MBNL2: variants seen among roughly 807,000 people sequenced by gnomAD.
The protein encoded by MBNL2 is muscleblind-like protein 2.
In MBNL2, 17 loss-of-function variants were observed where a neutral mutation model predicts 41.9. The observed-to-expected ratio is 0.41, with a 90% CI of 0.28 to 0.61. The LOEUF is 0.61. Among genes scored for constraint, MBNL2 ranks in the 20% least tolerant of loss-of-function variants. The pLI is 0.35. For synonymous variants in MBNL2, 195 were observed against 182.9 expected, an observed-to-expected ratio of 1.07 and a Z score of -0.53; for missense variants, 336 against 505.6, an observed-to-expected ratio of 0.66 and a Z score of 3.22.
intron 2 of MBNL2, among the ~76,000 whole-genome samples, chr13:97,327,577 A>AAAAAAC (rs900830524): frequency 6.6e-6 from 1 of 151,370 alleles, no homozygotes; most frequent in African/African-American, 2.4e-5. Flanking sequence ...AAAAAAAAAA[A>AAAAAAC]AAAAAAGTTC....
intron 1 of MBNL2, among the ~76,000 whole-genome samples, chr13:97,273,787 G>A (rs1389027605): frequency 1.3e-5 from 2 of 152,106 alleles, no homozygotes; most frequent in East Asian, 1.9e-4. Flanking sequence ...CAGGCCGGAC[G>A]CGGTGGCTCA....
chr13:97,149,837 G>T, the MBNL2 span, among the ~76,000 whole-genome samples: 1 of 152,114 alleles, frequency 6.6e-6, no homozygotes, highest in African/African-American at 2.4e-5. Context: ...ATATTTGAAA[G>T]TTATTTCCTA....
chr13:97,309,136 C>G (rs750063007), intron 2 of MBNL2, among the ~76,000 whole-genome samples: 29 of 152,140 alleles, frequency 1.9e-4, no homozygotes, highest in Admixed American at 7.2e-4. Flanking sequence ...AGATAAATAA[C>G]AACAACACAT....
chr13:97,266,718 TA>T (rs2049892782), intron 1 of MBNL2, among the ~76,000 whole-genome samples: 1 of 152,038 alleles, frequency 6.6e-6, no homozygotes, highest in African/African-American at 2.4e-5. Flanking sequence ...CATTATTTTT[TA>T]AAAATATATA....
chr13:97,162,803 G>T, the MBNL2 span, among the ~76,000 whole-genome samples: 4 of 152,188 alleles, frequency 2.6e-5, no homozygotes, highest in Non-Finnish European at 5.9e-5. Flanking sequence ...TATCTTTTGA[G>T]ATCTATCATA....
chr13:97,283,924 A>G (rs1281868947), intron 2 of MBNL2, among the ~76,000 whole-genome samples: 1 of 152,196 alleles, frequency 6.6e-6, no homozygotes, highest in East Asian at 1.9e-4. Context: ...TCAGGGCATC[A>G]GGCACCTCCA....
At chr13:97,188,851 C>T in the MBNL2 span, among the ~76,000 whole-genome samples, 4 of 152,096 alleles carry the variant, frequency 2.6e-5, no homozygotes, top group Non-Finnish European at 5.9e-5. Flanking sequence ...GCCCTCATTC[C>T]TTCCTTTATT....
At chr13:97,369,007 A>C (rs1566445775) in intron 8 of MBNL2, among the ~76,000 whole-genome samples, 2 of 152,196 alleles carry the variant, frequency 1.3e-5, no homozygotes, top group Admixed American at 6.5e-5. Flanking sequence ...AATGATGAAG[A>C]AGAGAAATCC....
chr13:97,215,166 T>A, the MBNL2 span, among the ~76,000 whole-genome samples: 40 of 152,142 alleles, frequency 2.6e-4, no homozygotes, highest in Non-Finnish European at 4.4e-4. Flanking sequence ...CTCTGCGACT[T>A]CAAATGCCCT....
intron 2 of MBNL2, among the ~76,000 whole-genome samples, chr13:97,307,135 T>A (rs969991093): frequency 5.3e-5 from 8 of 152,168 alleles, no homozygotes; most frequent in Non-Finnish European, 1.2e-4. Context: ...TCTCCCAGCA[T>A]CCAACATAAA....
At chr13:97,231,376 C>G (rs1339337196) in intron 1 of MBNL2, among the ~76,000 whole-genome samples, 1 of 152,168 alleles carries the variant, frequency 6.6e-6, no homozygotes. Context: ...GGTGATAAAG[C>G]TGATGTTCAT....
At chr13:97,178,327 G>A in the MBNL2 span, among the ~76,000 whole-genome samples, 1 of 152,184 alleles carries the variant, frequency 6.6e-6, no homozygotes, top group Non-Finnish European at 1.5e-5. Flanking sequence ...GAGACAGTAT[G>A]TGGAATAATT....
the MBNL2 span, among the ~76,000 whole-genome samples, chr13:97,175,825 G>A: frequency 6.6e-6 from 1 of 152,022 alleles, no homozygotes; most frequent in Non-Finnish European, 1.5e-5. Context: ...GGGCACTCAG[G>A]ACCTGATAGA....
At chr13:97,173,917 C>A in the MBNL2 span, among the ~76,000 whole-genome samples, 1 of 152,138 alleles carries the variant, frequency 6.6e-6, no homozygotes, top group African/African-American at 2.4e-5. Flanking sequence ...TTCTGCATTT[C>A]CATGGAACTC....
chr13:97,277,292 C>T (rs7325720), intron 2 of MBNL2, among the ~76,000 whole-genome samples: 21 of 152,026 alleles, frequency 1.4e-4, no homozygotes, highest in Non-Finnish European at 2.9e-4. Context: ...TTGTCTAGGG[C>T]GTTCCTACAG....
chr13:97,215,789 T>C, the MBNL2 span, among the ~76,000 whole-genome samples: 2 of 152,216 alleles, frequency 1.3e-5, no homozygotes, highest in Non-Finnish European at 2.9e-5. Context: ...AATTATGGAA[T>C]ACCAAGAGTG....
intron 1 of MBNL2, among the ~76,000 whole-genome samples, chr13:97,253,218 A>G (rs2046898945): frequency 6.6e-6 from 1 of 152,234 alleles, no homozygotes; most frequent in Admixed American, 6.5e-5. Context: ...AAAGATAACC[A>G]ACTTGGTTTG....
intron 8 of MBNL2, among the ~76,000 whole-genome samples, chr13:97,376,360 T>G (rs2064966759): frequency 6.6e-6 from 1 of 152,128 alleles, no homozygotes; most frequent in Non-Finnish European, 1.5e-5. Flanking sequence ...AAAAGGATGG[T>G]TCTCATCTAT....
rs72001733 is a variant in MBNL2, at chr13:97,382,672, ATTTTTTTT to A, written c.1049-8638_1049-8631del. Among the ~76,000 whole-genome samples the A allele has an allele frequency of 4.8e-4, 60 of 125,622 alleles. 1 individual carries two copies. In the South Asian group the frequency reaches 0.013, roughly 28 times the overall value. The allele number at this position is 125,622 out of a possible 152,430, so 82.4% of individuals were successfully genotyped here. On this transcript the variant is annotated intron_variant, in intron 8 of 8. Transcript: ENST00000679496. The stretch of plus-strand genomic sequence containing the variant: ...GATGCCATGGTTTCATCTGCCAACT[ATTTTTTTT>A]TTTTTTTTTTTGAAAAGGGTGTCTC...
Sources: allele counts gnomAD v4.1 joint callset (sites outside exome capture counted in the v4.1 genomes callset), GRCh38; gene constraint gnomAD v4.1.1; transcripts MANE v1.5; gene names NCBI Gene and HGNC (gene_info 2026-07-23, HGNC 2026-07-21).